STMN3: variants seen among roughly 807,000 people sequenced by gnomAD.
STMN3 encodes the protein stathmin-3.
Under a neutral mutation model 23.2 loss-of-function variants are expected in STMN3, and 24 were observed. That is an observed-to-expected ratio of 1.03 (90% CI 0.75 to 1.45). The LOEUF (loss-of-function observed/expected upper bound fraction) is 1.45. Among genes scored for constraint, STMN3 ranks in the 40% most tolerant of loss-of-function variants. STMN3 has a pLI of 0.00. For synonymous variants in STMN3, 117 were observed against 103.4 expected (o/e 1.13, Z -0.80); for missense variants, 235 against 237.6 (o/e 0.99, Z 0.07).
chr20:63,646,972 T>G (rs1012333352), intron 1 of STMN3, among the ~76,000 whole-genome samples: 1 of 148,112 alleles, frequency 6.8e-6, no homozygotes, highest in Admixed American at 6.7e-5. Context: ...CAGGCTGGTC[T>G]TGAGCCACCG....
At chr20:63,644,162 G>C (rs765186968) in intron 2 of STMN3, 52 bp downstream of exon 2, 1 of 1,531,418 alleles carries the variant, frequency 6.5e-7, no homozygotes, top group Middle Eastern at 1.8e-4. Context: ...CGGGGGAAAA[G>C]GTGAGGTGGG....
chr20:63,650,952 T>C (rs1216691313), intron 1 of STMN3, among the ~76,000 whole-genome samples: 19 of 84,924 alleles, frequency 2.2e-4, no homozygotes, highest in African/African-American at 1.1e-3. Context: ...CTTCCTCCTC[T>C]TCTTTCTTCT....
intron 3 of STMN3, among the ~76,000 whole-genome samples, chr20:63,642,532 T>C (rs1349222979): frequency 2.7e-5 from 4 of 149,810 alleles, no homozygotes; most frequent in African/African-American, 4.9e-5. Context: ...CCCGCCCCCG[T>C]CCCTGCCTCG....
intron 1 of STMN3, 44 bp from the exon 2 acceptor site, chr20:63,644,353 C>T (rs1427698333): frequency 2.0e-6 from 3 of 1,486,418 alleles, no homozygotes; most frequent in Non-Finnish European, 2.8e-6. Context: ...CTGGGGCCTG[C>T]CCACCTGGGC....
chr20:63,652,499 C>A lies in STMN3; in HGVS notation c.19+828G>T. 1 of 910,828 alleles carries A rather than the reference C, an allele frequency of 1.1e-6. No individual in the cohort carries two copies. The highest frequency in any genetic ancestry group is 1.3e-6 in the Non-Finnish European group (1 of 761,836). 56.4% of individuals were successfully genotyped at this position (910,828 alleles called of 1,614,324 possible). On this transcript the variant is annotated intron_variant, in intron 1 of 4. Coordinates refer to ENST00000370053, the MANE Select transcript of STMN3 (RefSeq NM_015894.4). The surrounding 1 kb of genome is among the most constrained non-coding windows in gnomAD (Gnocchi z 5.3). ...GCTCCCCTGCGTCCAGAATCCGCCC[C>A]CCGCCCGGGCCTGCGCCCGCCCCTC... is the stretch of plus-strand genomic sequence containing the variant.
At chr20:63,651,086 G>C (rs4809320) in intron 1 of STMN3, among the ~76,000 whole-genome samples, 1 of 151,630 alleles carries the variant, frequency 6.6e-6, no homozygotes, top group African/African-American at 2.4e-5. Flanking sequence ...CAGTCTCCCA[G>C]ATTGCTGGGA....
rs567830934 is a variant in STMN3 at position 63,641,086 on chromosome 20, A to C, written c.*252T>G. On this transcript the variant is annotated 3_prime_UTR_variant, in exon 5 of 5. Coordinates refer to ENST00000370053, the MANE Select transcript of STMN3 (RefSeq NM_015894.4). The stretch of plus-strand genomic sequence containing the variant: ...ACCTCTCTCACAGGGCCCCCGGGGG[A>C]CCCAGCCGCGCCCGGCCTGGTGTCT... 63 of 570,174 alleles carry C rather than the reference A, an allele frequency of 1.1e-4. No individual in the cohort carries two copies. The East Asian group carries it at 1.9e-3, about 17-fold the overall frequency. 35.3% of individuals were successfully genotyped at this position (570,174 alleles called of 1,614,324 possible). A position where few individuals can be genotyped will look rare whatever the true frequency, so the allele number is the denominator to read the frequency against.
Position 63,652,951 on chromosome 20 carries a change from C to G in STMN3, c.19+376G>C, listed in dbSNP as rs2089872188. Among the ~76,000 whole-genome samples the G allele has an allele frequency of 6.6e-6, 1 of 152,028 alleles. No homozygotes were observed. Among genetic ancestry groups the G allele is most frequent in the African/African-American group, 2.4e-5 (1 of 41,432 alleles). ...CGAAGGCTCTGGCGGACCCAGATCT[C>G]GGGTCGCCGGACGCCCCAGGGACCC... is the stretch of plus-strand genomic sequence containing the variant. On this transcript the variant is annotated intron_variant, in intron 1 of 4. Transcript: ENST00000370053. The surrounding 1 kb of genome is among the most constrained non-coding windows in gnomAD (Gnocchi z 5.3).
At chr20:63,647,910 GTATATATTAATATATATACGTATATA>G (rs2089827718) in intron 1 of STMN3, among the ~76,000 whole-genome samples, 2 of 116,848 alleles carry the variant, frequency 1.7e-5, no homozygotes, top group Non-Finnish European at 3.5e-5. Flanking sequence ...ATACACGTGT[GTATATATTAATATATATACGTATATA>G]TGTGTGTGTG....
At chr20:63,647,954 A>ATGTG (rs2089829241) in intron 1 of STMN3, among the ~76,000 whole-genome samples, 1 of 49,150 alleles carries the variant, frequency 2.0e-5, no homozygotes, top group Non-Finnish European at 4.0e-5. Flanking sequence ...GTGTGTATAT[A>ATGTG]TATATGTATA....
At chr20:63,651,462 T>C (rs1209537532) in intron 1 of STMN3, among the ~76,000 whole-genome samples, 1 of 151,876 alleles carries the variant, frequency 6.6e-6, no homozygotes, top group Admixed American at 6.6e-5. Flanking sequence ...CCCTGGAGGC[T>C]GCTGCCGGCT....
In STMN3 at chr20:63,652,341, A is replaced by G. The variant is rs1021459946; in HGVS notation, c.19+986T>C. On this transcript the variant is annotated intron_variant, in intron 1 of 4. Transcript: ENST00000370053. This position sits in a 1 kb window ranked among gnomAD's most constrained non-coding sequence, Gnocchi z 5.3. ...GCTCGTGAACGGGGGCGGCGATGGGAAGGAGGTGCGGCCCTTCGTCCTGTC... is the reference window on the plus strand; with the variant it reads ...GCTCGTGAACGGGGGCGGCGATGGGGAGGAGGTGCGGCCCTTCGTCCTGTC... The G allele has an allele frequency of 6.4e-6, 1 of 155,164 alleles. No homozygotes were observed. The allele number at this position is 155,164 out of a possible 1,614,324, so 9.6% of individuals were successfully genotyped here.
Position 63,642,257 on chromosome 20 carries a change from C to T in STMN3, c.334G>A (p.Glu112Lys), listed in dbSNP as rs370557606. The T allele has an allele frequency of 2.3e-5, 35 of 1,545,716 alleles. No individual in the cohort carries two copies. Among genetic ancestry groups the T allele is most frequent in the Admixed American group, 1.8e-4 (9 of 50,988 alleles). Residue 112 changes from glutamate (E) to lysine (K), a missense_variant, in exon 4 of 5, where the codon GAG becomes AAG. By Grantham distance (56) the Glu-to-Lys change is moderately conservative. Coordinates refer to ENST00000370053, the MANE Select transcript of STMN3 (RefSeq NM_015894.4). ...TTGTGCAGCACCTCGCGCTCGTGCT[C>T]GCGCCGCTCCGCCAGCTGCTTCAGC... ...QVLKQLAERR[E>K]HEREVLHKAL...
At chr20:63,642,422 G>A in intron 3 of STMN3, 123 bp from the exon 4 acceptor site, 1 of 426,112 alleles carries the variant, frequency 2.3e-6, no homozygotes, top group Non-Finnish European at 3.8e-6. Context: ...ACCTGCCCAG[G>A]CCTCGGTGGG....
intron 4 of STMN3, among the ~76,000 whole-genome samples, chr20:63,641,814 C>T (rs1417677106): frequency 8.9e-5 from 13 of 146,262 alleles, no homozygotes; most frequent in Admixed American, 1.4e-4. Flanking sequence ...TCCCCGGCCC[C>T]GCTCTGCGCC....
intron 1 of STMN3, among the ~76,000 whole-genome samples, chr20:63,647,650 A>ACG (rs1491432570): frequency 9.6e-5 from 13 of 135,406 alleles, no homozygotes; most frequent in East Asian, 6.0e-4. Context: ...ATATATATAC[A>ACG]TGTATATATA....
Position 63,641,353 on chromosome 20 carries a change from T to C in STMN3, c.528A>G (p.Glu176=), listed in dbSNP as rs2315006. The change falls in exon 5 of 5, where the codon GAA becomes GAG. Residue 176 remains glutamate, a synonymous_variant. Transcript: ENST00000370053. The part of the protein sequence containing the change: ...AEVRRNKEQR[E]EMSG ...TCCCGGGCCCTTAGCCCGACATCTC[T>C]TCTCGCTGCTCCTTGTTCCTGCGCA... The C allele has an allele frequency of 3.7e-4, 577 of 1,569,048 alleles. 3 individuals are homozygous for C. The East Asian group carries it at 9.3e-3, about 25-fold the overall frequency.
At chr20:63,646,988 G>A (rs565472729) in intron 1 of STMN3, among the ~76,000 whole-genome samples, 2 of 148,392 alleles carry the variant, frequency 1.3e-5, no homozygotes, top group African/African-American at 2.5e-5. Flanking sequence ...CACCGCGCCC[G>A]CCCGGCCTAC....
At chr20:63,647,374 T>TGAGGGGCCAAG in intron 1 of STMN3, among the ~76,000 whole-genome samples, 1 of 148,958 alleles carries the variant, frequency 6.7e-6, no homozygotes, top group East Asian at 2.0e-4. Context: ...CCCAGAACTT[T>TGAGGGGCCAAG]GAGGGGCCAA....
Sources: allele counts gnomAD v4.1 joint callset (sites outside exome capture counted in the v4.1 genomes callset), GRCh38; gene constraint gnomAD v4.1.1; non-coding constraint Gnocchi (gnomAD v3.1); transcripts MANE v1.5; gene names NCBI Gene and HGNC (gene_info 2026-07-23, HGNC 2026-07-21).